Variants in NRG3 observed in about 807,000 individuals in gnomAD.
NRG3 encodes the protein pro-neuregulin-3, membrane-bound isoform.
A neutral mutation model predicts 66.9 loss-of-function variants in NRG3; 31 were observed. The ratio of observed to expected loss-of-function variants is 0.46; its 90% CI spans 0.35 to 0.63. The LOEUF is 0.63. NRG3 is among the 20% of genes least tolerant of loss of function. NRG3 has a pLI of 0.00. For missense variants in NRG3, 910 were observed against 878.9 expected (o/e 1.04, Z -0.45); for synonymous variants, 393 against 359.4 (o/e 1.09, Z -1.06).
chr10:82,208,326 C>T (rs547122821), intron 1 of NRG3, among the ~76,000 whole-genome samples: 44 of 152,082 alleles, frequency 2.9e-4, no homozygotes, highest in African/African-American at 9.6e-4. Flanking sequence ...TCATTTTTAC[C>T]GTAATCAAAT....
chr10:82,388,786 C>G (rs1487865404), intron 2 of NRG3, among the ~76,000 whole-genome samples: 1 of 152,170 alleles, frequency 6.6e-6, no homozygotes, highest in Non-Finnish European at 1.5e-5. Context: ...ATCTTTCTAA[C>G]ATTGATTCAG....
At chr10:82,573,041 C>T (rs2045832713) in intron 2 of NRG3, among the ~76,000 whole-genome samples, 1 of 151,886 alleles carries the variant, frequency 6.6e-6, no homozygotes, top group East Asian at 1.9e-4. Context: ...CATAGACTAG[C>T]AGGGAAGGCA....
chr10:82,524,173 A>T (rs1846464897), intron 2 of NRG3, among the ~76,000 whole-genome samples: 1 of 151,990 alleles, frequency 6.6e-6, no homozygotes, highest in African/African-American at 2.4e-5. Flanking sequence ...AATATATCTC[A>T]TTTGTATCAT....
At chr10:82,606,301 G>A (rs966957955) in intron 2 of NRG3, among the ~76,000 whole-genome samples, 2 of 152,066 alleles carry the variant, frequency 1.3e-5, no homozygotes, top group African/African-American at 2.4e-5. Flanking sequence ...TAGAAGTGTG[G>A]TATATAATCT....
At chr10:82,971,432 C>T (rs1223906631) in intron 6 of NRG3, among the ~76,000 whole-genome samples, 1 of 119,372 alleles carries the variant, frequency 8.4e-6, no homozygotes, top group African/African-American at 3.3e-5. Flanking sequence ...TTGAGAAAGC[C>T]GTTCTTTTTT....
chr10:82,585,315 G>A (rs1157245116), intron 2 of NRG3, among the ~76,000 whole-genome samples: 1 of 152,084 alleles, frequency 6.6e-6, no homozygotes, highest in African/African-American at 2.4e-5. Context: ...ATAAACTGAG[G>A]TCATACAATT....
chr10:82,801,703 T>C (rs895988959), intron 3 of NRG3, among the ~76,000 whole-genome samples: 4 of 152,206 alleles, frequency 2.6e-5, no homozygotes, highest in Non-Finnish European at 5.9e-5. Flanking sequence ...CAAACAGGGC[T>C]TATCTTTCAA....
intron 1 of NRG3, among the ~76,000 whole-genome samples, chr10:81,990,793 C>T (rs1277927396): frequency 6.6e-6 from 1 of 151,980 alleles, no homozygotes; most frequent in Non-Finnish European, 1.5e-5. Context: ...TTGAGTAGAA[C>T]TTAATTGAAT....
At chr10:82,389,970 C>T (rs1339190061) in intron 2 of NRG3, among the ~76,000 whole-genome samples, 2 of 152,170 alleles carry the variant, frequency 1.3e-5, no homozygotes, top group Non-Finnish European at 2.9e-5. Context: ...CTATTTCCGA[C>T]AAGTCAGATA....
chr10:82,805,344 A>G (rs1271425729), intron 3 of NRG3, among the ~76,000 whole-genome samples: 2 of 152,148 alleles, frequency 1.3e-5, no homozygotes, highest in African/African-American at 4.8e-5. Context: ...TTTTCAGCAT[A>G]CTTTCATTTA....
chr10:82,447,545 C>CCTGAT (rs1183399251), intron 2 of NRG3, among the ~76,000 whole-genome samples: 3 of 152,226 alleles, frequency 2.0e-5, no homozygotes, highest in Non-Finnish European at 4.4e-5. Context: ...CAGTATGCTT[C>CCTGAT]CTGATTTTAC....
intron 2 of NRG3, among the ~76,000 whole-genome samples, chr10:82,659,450 G>A (rs974441730): frequency 1.6e-4 from 24 of 152,064 alleles, no homozygotes; most frequent in African/African-American, 3.9e-4. Context: ...TCAGGAGTTC[G>A]AGGCCACATG....
intron 2 of NRG3, among the ~76,000 whole-genome samples, chr10:82,519,389 G>A (rs1480108942): frequency 1.3e-5 from 2 of 152,162 alleles, no homozygotes; most frequent in African/African-American, 4.8e-5. Context: ...AACCTTAAAA[G>A]TCATTTGAAT....
intron 2 of NRG3, among the ~76,000 whole-genome samples, chr10:82,390,542 T>G (rs1477816903): frequency 6.6e-6 from 1 of 152,156 alleles, no homozygotes. Context: ...CACTCATTGT[T>G]TACACTTTCA....
intron 3 of NRG3, among the ~76,000 whole-genome samples, chr10:82,803,868 G>C (rs553422995): frequency 1.3e-5 from 2 of 151,822 alleles, no homozygotes; most frequent in African/African-American, 4.9e-5. Flanking sequence ...TTCACTTTAC[G>C]GTTTTAGTTC....
intron 2 of NRG3, among the ~76,000 whole-genome samples, chr10:82,445,218 A>G (rs1432789232): frequency 6.6e-6 from 1 of 151,896 alleles, no homozygotes; most frequent in East Asian, 1.9e-4. Context: ...TTGGCAGATG[A>G]CTCCCAAACT....
At chr10:82,551,822 T>A (rs960916163) in intron 2 of NRG3, among the ~76,000 whole-genome samples, 8 of 152,258 alleles carry the variant, frequency 5.3e-5, no homozygotes, top group African/African-American at 1.9e-4. Context: ...GCCTTAATAC[T>A]TTTATATTTT....
At position 82,873,579 on chromosome 10, in the gene NRG3, A is replaced by G. The variant is rs559110640; in HGVS notation, c.1054+8142A>G. On this transcript the variant is annotated intron_variant, in intron 4 of 8. Coordinates refer to ENST00000372141, the MANE Select transcript of NRG3 (RefSeq NM_001010848.4). The stretch of plus-strand genomic sequence containing the variant: ...ACGAAGGATTTCTTATCTAACAAAT[A>G]TCTAGCTACTGTGTGTGAAATGTAT... Among the ~76,000 whole-genome samples, 171 of 152,320 alleles carry G rather than the reference A, an allele frequency of 1.1e-3. 1 individual carries two copies. Among genetic ancestry groups the G allele is most frequent in the Non-Finnish European group, 2.2e-3 (151 of 68,014 alleles).
chr10:82,525,279 A>G (rs1382014699), intron 2 of NRG3, among the ~76,000 whole-genome samples: 1 of 151,950 alleles, frequency 6.6e-6, no homozygotes, highest in Non-Finnish European at 1.5e-5. Flanking sequence ...TCTGGAAAAA[A>G]AAATCCATCT....
Sources: allele counts gnomAD v4.1 joint callset (sites outside exome capture counted in the v4.1 genomes callset), GRCh38; gene constraint gnomAD v4.1.1; transcripts MANE v1.5; gene names NCBI Gene and HGNC (gene_info 2026-07-23, HGNC 2026-07-21).